The following TP53BP1 variants were observed in gnomAD, a reference collection of about 807,000 sequenced individuals.
TP53BP1 encodes TP53-binding protein 1.
In TP53BP1, 61 loss-of-function variants were observed where a neutral mutation model predicts 200.8. The ratio of observed to expected loss-of-function variants is 0.30; its 90% confidence interval spans 0.25 to 0.38. The LOEUF is 0.38. Ranked by LOEUF, TP53BP1 falls within the 10% of genes least tolerant of loss-of-function variation. The pLI is 1.00. For missense variants in TP53BP1, 2,144 were observed against 2,371.9 expected (o/e 0.90, Z 2.00); for synonymous variants, 822 against 844.3 (o/e 0.97, Z 0.46).
Position 43,420,667 on chromosome 15 carries a change from G to A in TP53BP1, c.4319C>T (p.Ser1440Phe). 6.2e-7 allele frequency: 1 copy of A among 1,614,228 alleles called. No homozygotes were observed. Among genetic ancestry groups the A allele is most frequent in the Non-Finnish European group, 8.5e-7 (1 of 1,180,044 alleles). The change falls in exon 21 of 28, where the codon TCC (serine) becomes TTC (phenylalanine). Residue 1440 changes from serine (S) to phenylalanine (F), a missense_variant. Around this residue, in one of 4 missense-constraint regions of TP53BP1, gnomAD observed 1,700 missense variants for 1,710.3 expected, o/e 0.99. Coordinates refer to ENST00000382044, the MANE Select transcript of TP53BP1 (RefSeq NM_001141980.3). ...CACTCGGGGCACGACACGGCTGAAGGATTTATCATCTGGTGACAAGTTAGG... is the reference window on the plus strand; with the variant it reads ...CACTCGGGGCACGACACGGCTGAAGAATTTATCATCTGGTGACAAGTTAGG... ...ISPNLSPDDK[S>F]FSRVVPRVPD...
In TP53BP1 at chr15:43,507,920, C is replaced by T. The variant is rs985680713; in HGVS notation, c.-9+2450G>A. Among the ~76,000 whole-genome samples the T allele has an allele frequency of 5.3e-5, 8 of 152,038 alleles. No homozygotes were observed. The East Asian group carries it at 1.6e-3, about 29-fold the overall frequency. On this transcript the variant is annotated intron_variant, in intron 1 of 27. Transcript: ENST00000263801. ...TGTAAAGATGGGGTTCCATTATGTA[C>T]CCCAGGCTGGTCTTGAACTTCTGGG... is the stretch of plus-strand genomic sequence containing the variant.
At chr15:43,503,056 C>G (rs1426769120) in intron 1 of TP53BP1, among the ~76,000 whole-genome samples, 1 of 152,156 alleles carries the variant, frequency 6.6e-6, no homozygotes, top group African/African-American at 2.4e-5. Flanking sequence ...CCCGGCCTAT[C>G]TTGTGTTTTT....
chr15:43,432,421 C>CA lies in TP53BP1; in HGVS notation c.3447dup (p.Glu1150Ter). The CA allele has an allele frequency of 1.9e-6, 3 of 1,614,176 alleles. No individual in the cohort carries two copies. Among genetic ancestry groups the CA allele is most frequent in the Non-Finnish European group, 2.5e-6 (3 of 1,180,014 alleles). ...CCTATGTTATTTTGGCTGGGCCTTT[C>CA]AATCAAGGCCTTACTAGGATTTTCC... On this transcript the variant is annotated frameshift_variant, in exon 17 of 28. Transcript: ENST00000382044.
At chr15:43,433,115 T>C (rs1196295914) in intron 16 of TP53BP1, among the ~76,000 whole-genome samples, 1 of 152,126 alleles carries the variant, frequency 6.6e-6, no homozygotes, top group South Asian at 2.1e-4. Flanking sequence ...ATTCCTTAAC[T>C]GATTCCTAGC....
intron 6 of TP53BP1, 100 bp downstream of exon 6, chr15:43,479,759 A>ATAGC: frequency 7.1e-7 from 1 of 1,414,928 alleles, no homozygotes. Context: ...CTTAGATTAT[A>ATAGC]TTAATTTGGA....
At chr15:43,505,974 A>C (rs976974461) in intron 1 of TP53BP1, among the ~76,000 whole-genome samples, 3 of 152,202 alleles carry the variant, frequency 2.0e-5, no homozygotes, top group Non-Finnish European at 2.9e-5. Context: ...AGCTGTATGC[A>C]GCTCCCTTGG....
intron 4 of TP53BP1, among the ~76,000 whole-genome samples, chr15:43,485,468 T>C (rs183191795): frequency 8.0e-4 from 120 of 150,604 alleles, no homozygotes; most frequent in African/African-American, 2.8e-3. Flanking sequence ...TCCCAGCTAC[T>C]TGGGAGGCTG....
At chr15:43,412,976 C>G (rs2045161357) in intron 24 of TP53BP1, 143 bp downstream of exon 24, 1 of 736,288 alleles carries the variant, frequency 1.4e-6, no homozygotes, top group South Asian at 1.8e-5. Flanking sequence ...AAGCAGGATA[C>G]AGAGTAATTT....
chr15:43,415,647 T>C lies in TP53BP1; in HGVS notation c.5036A>G (p.Glu1679Gly). The C allele has an allele frequency of 6.2e-7, 1 of 1,614,196 alleles. No individual in the cohort carries two copies. The highest frequency in any genetic ancestry group is 1.1e-5 in the South Asian group (1 of 91,078). ...LSGKRKLITS[E>G]EERSPAKRGR... ...TCGCTTGGCAGGGGACCGTTCCTCT[T>C]CAGAAGTGATAAGTTTTCTTTTGCC... Residue 1679 changes from glutamate (E) to glycine (G), a missense_variant, in exon 23 of 28, where the codon GAA becomes GGA. Physicochemically the swap from Glu to Gly is moderately conservative, Grantham distance 98 (BLOSUM62 -2). Coordinates refer to ENST00000382044, the MANE Select transcript of TP53BP1 (RefSeq NM_001141980.3).
At position 43,406,818 on chromosome 15, in the gene TP53BP1, C is replaced by A; in HGVS notation, c.*565G>T. 3.0e-6 allele frequency: 1 copy of A among 334,182 alleles called. No individual in the cohort carries two copies. Among genetic ancestry groups the A allele is most frequent in the Non-Finnish European group, 5.8e-6 (1 of 171,198 alleles). The allele number at this position is 334,182 out of a possible 1,614,324, so 20.7% of individuals were successfully genotyped here. ...ATTCCATCAAGCTTATGGTCACTGT[C>A]CCTTCATGGCAGTTGGTCCTTTCGT... On this transcript the variant is annotated 3_prime_UTR_variant, in exon 28 of 28. Transcript: ENST00000382044.
At position 43,403,424 on chromosome 15, in the gene TP53BP1, A is replaced by G; in HGVS notation, c.*3959T>C. On this transcript the variant is annotated 3_prime_UTR_variant, in exon 28 of 28. Coordinates refer to ENST00000382044, the MANE Select transcript of TP53BP1 (RefSeq NM_001141980.3). ...CACTCTGCGGGTCTAAGAAATGAAG[A>G]GTTAAATGTGGCTAGATTGGAGGTT... 1 of 334,252 alleles carries G rather than the reference A, an allele frequency of 3.0e-6. No individual in the cohort carries two copies. Among genetic ancestry groups the G allele is most frequent in the Non-Finnish European group, 5.5e-6 (1 of 180,398 alleles). 20.7% of individuals were successfully genotyped at this position (334,252 alleles called of 1,614,324 possible).
At chr15:43,506,671 G>T (rs1283074158) in intron 1 of TP53BP1, among the ~76,000 whole-genome samples, 1 of 152,208 alleles carries the variant, frequency 6.6e-6, no homozygotes, top group Non-Finnish European at 1.5e-5. Flanking sequence ...GCTCCCAAAA[G>T]ATCATACTTG....
At chr15:43,474,023 A>G (rs1431320851) in intron 10 of TP53BP1, among the ~76,000 whole-genome samples, 1 of 152,226 alleles carries the variant, frequency 6.6e-6, no homozygotes, top group Non-Finnish European at 1.5e-5. Context: ...GCCCCACTGG[A>G]AGGCAGCTAA....
chr15:43,483,872 T>C (rs978417516), intron 4 of TP53BP1, among the ~76,000 whole-genome samples: 2 of 152,226 alleles, frequency 1.3e-5, no homozygotes, highest in African/African-American at 4.8e-5. Context: ...CTCTAAATGC[T>C]GGTAGGCTCC....
intron 26 of TP53BP1, 102 bp from the exon 27 acceptor site, chr15:43,408,190 A>C: frequency 1.7e-6 from 2 of 1,201,122 alleles, no homozygotes; most frequent in Non-Finnish European, 2.3e-6. Flanking sequence ...TCAAAAATAA[A>C]TGCCCCATCA....
At chr15:43,460,756 C>T (rs910554551) in intron 11 of TP53BP1, among the ~76,000 whole-genome samples, 2 of 151,978 alleles carry the variant, frequency 1.3e-5, no homozygotes, top group Non-Finnish European at 2.9e-5. Context: ...GATGCAGTGG[C>T]TCTAACTTAT....
intron 24 of TP53BP1, chr15:43,412,752 G>C (rs1402180780): frequency 2.1e-6 from 1 of 473,000 alleles, no homozygotes; most frequent in Non-Finnish European, 4.4e-6. Flanking sequence ...TGATTGACTT[G>C]GATGGTTGCA....
chr15:43,463,130 C>CACT (rs2046480123), intron 11 of TP53BP1, among the ~76,000 whole-genome samples: 5 of 152,110 alleles, frequency 3.3e-5, no homozygotes, highest in Admixed American at 3.3e-4. Context: ...CCACCACCAC[C>CACT]ACTATTCTAG....
chr15:43,446,760 T>C, intron 13 of TP53BP1, 170 bp from the exon 14 acceptor site: 1 of 1,510,832 alleles, frequency 6.6e-7, no homozygotes, highest in Non-Finnish European at 8.9e-7. Flanking sequence ...GAACTAGTAT[T>C]GACACCTGGT....
Sources: allele counts gnomAD v4.1 joint callset (sites outside exome capture counted in the v4.1 genomes callset), GRCh38; gene constraint gnomAD v4.1.1; regional missense constraint gnomAD v4.1.1; transcripts MANE v1.5; gene names NCBI Gene and HGNC (gene_info 2026-07-23, HGNC 2026-07-21).